SPOCK1: variants seen among roughly 807,000 people sequenced by gnomAD.
SPOCK1 encodes testican-1.
SPOCK1 carries 23 observed loss-of-function variants against 55.3 expected under a neutral mutation model. The ratio of observed to expected loss-of-function variants is 0.42; its 90% CI spans 0.30 to 0.59. The LOEUF (loss-of-function observed/expected upper bound fraction) is 0.59, where lower values mean the gene tolerates loss of function less well. SPOCK1 is among the 20% of genes least tolerant of loss of function. The pLI, the probability that SPOCK1 is intolerant of heterozygous loss-of-function variation, is 0.22. For synonymous variants in SPOCK1, 226 were observed against 221.0 expected (o/e 1.02, Z -0.20); for missense variants, 499 against 552.5 (o/e 0.90, Z 0.97).
chr5:137,082,770 A>T (rs1378545057), intron 5 of SPOCK1, among the ~76,000 whole-genome samples: 1 of 152,116 alleles, frequency 6.6e-6, no homozygotes, highest in Admixed American at 6.5e-5. Context: ...AGCTTCAAAG[A>T]CCCAAGAGCT....
chr5:137,334,782 G>A (rs897446184), intron 2 of SPOCK1, among the ~76,000 whole-genome samples: 3 of 152,136 alleles, frequency 2.0e-5, no homozygotes, highest in African/African-American at 7.2e-5. Context: ...AAACACCTTT[G>A]CTGTTTTGCC....
chr5:137,031,082 T>A (rs574935388), intron 6 of SPOCK1, among the ~76,000 whole-genome samples: 13 of 152,366 alleles, frequency 8.5e-5, no homozygotes, highest in East Asian at 3.9e-4. Context: ...GTAATTTTTT[T>A]AAATAGCATT....
chr5:137,478,483 AT>A (rs755011501), intron 2 of SPOCK1, among the ~76,000 whole-genome samples: 7 of 152,200 alleles, frequency 4.6e-5, no homozygotes, highest in Non-Finnish European at 1.0e-4. Flanking sequence ...ATTTGAAATA[AT>A]CACTGGTTTT....
intron 2 of SPOCK1, among the ~76,000 whole-genome samples, chr5:137,308,108 TTAC>T (rs1421167372): frequency 1.3e-5 from 2 of 152,176 alleles, no homozygotes; most frequent in Non-Finnish European, 2.9e-5. Flanking sequence ...CTATTGAACT[TTAC>T]TACAGAGCAG....
chr5:137,339,792 C>A (rs189041319), intron 2 of SPOCK1, among the ~76,000 whole-genome samples: 15 of 152,210 alleles, frequency 9.9e-5, no homozygotes, highest in African/African-American at 2.9e-4. Context: ...AAGCCAGGAG[C>A]CCTGATTCAC....
rs2149847958 is a variant in SPOCK1, at chr5:137,499,315, C to G, written c.-137G>C. 1 of 151,828 alleles carries G rather than the reference C, an allele frequency of 6.6e-6. No individual in the cohort carries two copies. The highest frequency in any genetic ancestry group is 2.1e-4 in the South Asian group (1 of 4,814). 9.4% of individuals were successfully genotyped at this position (151,828 alleles called of 1,614,324 possible). A position where few individuals can be genotyped will look rare whatever the true frequency, so the allele number is the denominator to read the frequency against. Reference sequence around the variant, plus strand: ...CCGAGCGTCTGGCCGCTTTGTGAGCCCGCAGCGATGTGCTCTGCTCGCTCG... The same window carrying G: ...CCGAGCGTCTGGCCGCTTTGTGAGCGCGCAGCGATGTGCTCTGCTCGCTCG... On this transcript the variant is annotated 5_prime_UTR_variant, in exon 1 of 11. Transcript: ENST00000394945.
Position 137,388,529 on chromosome 5 carries a change from G to A in SPOCK1, c.186+109844C>T, listed in dbSNP as rs572626020. Among the ~76,000 whole-genome samples, 345 of 152,202 alleles carry A rather than the reference G, an allele frequency of 2.3e-3. 1 individual carries two copies. Among genetic ancestry groups the A allele is most frequent in the African/African-American group, 7.8e-3 (323 of 41,542 alleles). On this transcript the variant is annotated intron_variant, in intron 2 of 10. Transcript: ENST00000394945. Reference sequence around the variant, plus strand: ...AGAGTGTACAGGTCTATGATGACCCGTACCATCTCCTGCCCTTGAAGGACT... The same window carrying A: ...AGAGTGTACAGGTCTATGATGACCCATACCATCTCCTGCCCTTGAAGGACT...
chr5:137,335,321 T>C (rs1009417970), intron 2 of SPOCK1, among the ~76,000 whole-genome samples: 2 of 152,178 alleles, frequency 1.3e-5, no homozygotes, highest in Non-Finnish European at 2.9e-5. Context: ...TTAAAAAATA[T>C]GCATCAGCAC....
chr5:137,376,139 C>T (rs1751309241), intron 2 of SPOCK1, among the ~76,000 whole-genome samples: 1 of 152,210 alleles, frequency 6.6e-6, no homozygotes, highest in Admixed American at 6.5e-5. Context: ...CGCAGGCATG[C>T]TTGCCTCTAA....
rs116317759 is a variant in SPOCK1, at chr5:137,072,418, C to T, written c.475-4589G>A. On this transcript the variant is annotated intron_variant, in intron 5 of 10. Coordinates refer to ENST00000394945, the MANE Select transcript of SPOCK1 (RefSeq NM_004598.4). ...CGACCTGCTAAAACAGAGATGCCTG[C>T]CTGCCCTTATCACTGCAGACAGAAA... Among the ~76,000 whole-genome samples, 968 of 152,284 alleles carry T rather than the reference C, an allele frequency of 6.4e-3. 18 individuals are homozygous for T. Among genetic ancestry groups the T allele is most frequent in the African/African-American group, 0.022 (908 of 41,566 alleles).
At chr5:137,160,617 AT>A (rs1341834753) in intron 3 of SPOCK1, among the ~76,000 whole-genome samples, 1 of 53,452 alleles carries the variant, frequency 1.9e-5, no homozygotes, top group Non-Finnish European at 3.1e-5. Context: ...AATATATAAT[AT>A]ATATTTTATA....
chr5:137,138,489 TTACACACACAAACA>T (rs1754030991), intron 4 of SPOCK1, among the ~76,000 whole-genome samples: 2 of 101,864 alleles, frequency 2.0e-5, no homozygotes, highest in African/African-American at 7.1e-5. Context: ...ACTCTCCATC[TTACACACACAAACA>T]TACACACACA....
At chr5:137,140,127 T>G (rs959832268) in intron 4 of SPOCK1, among the ~76,000 whole-genome samples, 1 of 152,250 alleles carries the variant, frequency 6.6e-6, no homozygotes, top group East Asian at 1.9e-4. Context: ...ATGGCAAAGA[T>G]GCTACATCCA....
At chr5:137,356,938 G>A (rs1355294062) in intron 2 of SPOCK1, among the ~76,000 whole-genome samples, 1 of 145,942 alleles carries the variant, frequency 6.9e-6, no homozygotes, top group African/African-American at 2.6e-5. Context: ...CCAGATCCTA[G>A]AGCCAAGCTC....
intron 6 of SPOCK1, among the ~76,000 whole-genome samples, chr5:137,027,211 C>T (rs913797883): frequency 4.6e-5 from 7 of 152,190 alleles, no homozygotes; most frequent in African/African-American, 1.2e-4. Context: ...CTTTCTCAAG[C>T]TCTTTCCATG....
At chr5:137,083,846 G>GGA (rs2127015387) in intron 5 of SPOCK1, among the ~76,000 whole-genome samples, 1 of 152,056 alleles carries the variant, frequency 6.6e-6, no homozygotes, top group East Asian at 1.9e-4. Flanking sequence ...CAGTGTGACA[G>GGA]GAGTGAGCTA....
At chr5:137,198,670 T>C (rs192301119) in intron 3 of SPOCK1, among the ~76,000 whole-genome samples, 35 of 152,372 alleles carry the variant, frequency 2.3e-4, no homozygotes, top group Admixed American at 2.2e-3. Context: ...GCTTTTTATA[T>C]AGTATGGCTA....
In SPOCK1 at chr5:137,477,518, T is replaced by C. The variant is rs115607243; in HGVS notation, c.186+20855A>G. Among the ~76,000 whole-genome samples the C allele has an allele frequency of 2.6e-3, 402 of 152,314 alleles. 1 individual carries two copies. The highest frequency in any genetic ancestry group is 9.3e-3 in the African/African-American group (387 of 41,570). ...CCACTCAGTTTGGGTATAGCCAACT[T>C]GCACCTCTAGCTTCTGAAGCATTTC... On this transcript the variant is annotated intron_variant, in intron 2 of 10. Transcript: ENST00000394945.
chr5:137,406,919 C>T (rs1752110619), intron 2 of SPOCK1, among the ~76,000 whole-genome samples: 1 of 152,194 alleles, frequency 6.6e-6, no homozygotes, highest in South Asian at 2.1e-4. Context: ...CTTCCATTAG[C>T]TTCTACCATT....
Sources: allele counts gnomAD v4.1 joint callset (sites outside exome capture counted in the v4.1 genomes callset), GRCh38; gene constraint gnomAD v4.1.1; transcripts MANE v1.5; gene names NCBI Gene and HGNC (gene_info 2026-07-23, HGNC 2026-07-21).